The following DOCK1 variants were observed in gnomAD, a reference collection of about 807,000 sequenced individuals.
DOCK1 encodes the protein dedicator of cytokinesis protein 1.
Under a neutral mutation model 262.7 loss-of-function variants are expected in DOCK1, and 138 were observed. The ratio of observed to expected loss-of-function variants is 0.53; its 90% CI spans 0.46 to 0.61. DOCK1 has a LOEUF of 0.61. Among genes scored for constraint, DOCK1 ranks in the 20% least tolerant of loss-of-function variants. The pLI is 0.00. For missense variants in DOCK1, 1,908 were observed against 2,370.7 expected (o/e 0.80, Z 4.05); for synonymous variants, 866 against 867.4 (o/e 1.00, Z 0.03).
At chr10:127,004,070 T>TG (rs1261688422) in intron 10 of DOCK1, among the ~76,000 whole-genome samples, 1 of 151,806 alleles carries the variant, frequency 6.6e-6, no homozygotes, top group Non-Finnish European at 1.5e-5. Context: ...GTGGCCAGTG[T>TG]GGTGAAACCC....
At chr10:127,107,947 A>C (rs2048635339) in intron 24 of DOCK1, among the ~76,000 whole-genome samples, 1 of 152,174 alleles carries the variant, frequency 6.6e-6, no homozygotes, top group African/African-American at 2.4e-5. Flanking sequence ...CTGTACGCAC[A>C]AATTAGCCCC....
rs2048179727 is a variant in DOCK1, at chr10:127,100,529, T to C, written c.2446-5702T>C. On this transcript the variant is annotated intron_variant, in intron 23 of 51. Transcript: ENST00000623213. The surrounding 1 kb of genome is among the most constrained non-coding windows in gnomAD (Gnocchi z 5.5). ...CCCGGTGGGTGTGGGGTGTGGGTGT[T>C]GGGCTCAGGAGGAAGGGGAGCCCTG... Among the ~76,000 whole-genome samples, 5 of 152,032 alleles carry C rather than the reference T, an allele frequency of 3.3e-5. No homozygotes were observed. The South Asian group carries it at 1.0e-3, about 32-fold the overall frequency.
Position 126,941,710 on chromosome 10 carries a change from G to A in DOCK1, c.47-28992G>A, listed in dbSNP as rs986499770. Reference sequence around the variant, plus strand: ...GCGGAGCTTGCAGTGAGCCGAGATCGTGCCACTGCACTCCAGCCTGGGCGA... The same window carrying A: ...GCGGAGCTTGCAGTGAGCCGAGATCATGCCACTGCACTCCAGCCTGGGCGA... On this transcript the variant is annotated intron_variant, in intron 1 of 51. Coordinates refer to ENST00000623213, the MANE Select transcript of DOCK1 (RefSeq NM_001290223.2). Among the ~76,000 whole-genome samples, 67 of 152,080 alleles carry A rather than the reference G, an allele frequency of 4.4e-4. No individual in the cohort carries two copies. The East Asian group carries it at 9.2e-3, about 21-fold the overall frequency.
intron 27 of DOCK1, among the ~76,000 whole-genome samples, chr10:127,226,039 C>T (rs894927400): frequency 8.7e-5 from 13 of 149,062 alleles, no homozygotes; most frequent in East Asian, 2.0e-4. Flanking sequence ...GATCATGCCA[C>T]TGCACTCCAG....
chr10:127,228,071 A>G (rs2058706862), intron 27 of DOCK1, among the ~76,000 whole-genome samples: 1 of 152,182 alleles, frequency 6.6e-6, no homozygotes, highest in Admixed American at 6.5e-5. Flanking sequence ...CTGCCTTATA[A>G]TTGCTATTTG....
intron 29 of DOCK1, among the ~76,000 whole-genome samples, chr10:127,286,304 G>C (rs1381443839): frequency 6.6e-6 from 1 of 152,094 alleles, no homozygotes; most frequent in Non-Finnish European, 1.5e-5. Context: ...TTTAGAATTT[G>C]AGGCTAGCAG....
intron 27 of DOCK1, among the ~76,000 whole-genome samples, chr10:127,226,503 G>A (rs2058646524): frequency 6.6e-6 from 1 of 152,092 alleles, no homozygotes; most frequent in African/African-American, 2.4e-5. Context: ...CAGCACTTTG[G>A]GAGCCGAGGT....
At chr10:127,074,919 T>C (rs1320647451) in intron 23 of DOCK1, among the ~76,000 whole-genome samples, 1 of 152,096 alleles carries the variant, frequency 6.6e-6, no homozygotes, top group Non-Finnish European at 1.5e-5. Context: ...CCCAGCACTC[T>C]GGGATGCTGA....
In DOCK1 at chr10:127,374,217, G is replaced by C. The variant is rs1239674102; in HGVS notation, c.3675+3G>C. On this transcript the variant is annotated splice_donor_region_variant and intron_variant, in intron 35 of 51. Transcript: ENST00000623213. ...TGAGCTGCACCGTCAATGTGCTGGT[G>C]AGTGAAAGCTTAATCACGTTTTTTC... is the stretch of plus-strand genomic sequence containing the variant. 1.2e-6 allele frequency: 2 copies of C among 1,604,940 alleles called. No individual in the cohort carries two copies. Among genetic ancestry groups the C allele is most frequent in the Middle Eastern group, 1.7e-4 (1 of 6,032 alleles).
chr10:127,354,896 A>G (rs1372634661), intron 32 of DOCK1, among the ~76,000 whole-genome samples, 169 bp downstream of exon 32: 6 of 152,232 alleles, frequency 3.9e-5, no homozygotes, highest in African/African-American at 1.4e-4. Flanking sequence ...AAGAGATAGA[A>G]GACCAAAGGC....
chr10:127,347,460 G>C (rs1294892272), intron 31 of DOCK1, among the ~76,000 whole-genome samples: 2 of 152,242 alleles, frequency 1.3e-5, no homozygotes, highest in Non-Finnish European at 2.9e-5. Flanking sequence ...CGGCTGGGTG[G>C]TGAAGGCAGC....
At chr10:126,906,758 C>T (rs1425016249) in intron 1 of DOCK1, among the ~76,000 whole-genome samples, 1 of 152,186 alleles carries the variant, frequency 6.6e-6, no homozygotes, top group Non-Finnish European at 1.5e-5. Context: ...CCCTTGTCCC[C>T]GGAGCGCTCT....
chr10:127,216,309 TAAAA>T (rs57559331), intron 27 of DOCK1, among the ~76,000 whole-genome samples: 1 of 141,316 alleles, frequency 7.1e-6, no homozygotes, highest in Non-Finnish European at 1.5e-5. Flanking sequence ...GATAATTTAG[TAAAA>T]AAAAAAAAAA....
chr10:127,337,019 A>G (rs1481758152), intron 29 of DOCK1, among the ~76,000 whole-genome samples: 1 of 152,170 alleles, frequency 6.6e-6, no homozygotes, highest in Non-Finnish European at 1.5e-5. Flanking sequence ...AGGGCTGGAA[A>G]GAGTGTCTTC....
intron 27 of DOCK1, among the ~76,000 whole-genome samples, chr10:127,150,844 A>G (rs1232069189): frequency 3.9e-5 from 6 of 152,200 alleles, no homozygotes. Context: ...ACTTTGCTCC[A>G]CTTTAAAGAC....
At chr10:127,388,877 A>T (rs2386836) in intron 38 of DOCK1, among the ~76,000 whole-genome samples, 120,918 of 151,796 alleles carry the variant, frequency 0.8, 48,222 homozygotes, top group African/African-American at 0.84. Context: ...AGGTGAGTCT[A>T]ACAATCAAGG....
intron 19 of DOCK1, 75 bp downstream of exon 19, chr10:127,037,891 A>C: frequency 4.3e-6 from 5 of 1,168,644 alleles, no homozygotes. Context: ...AGAAGTAGGC[A>C]GTGACTTCAA....
At chr10:127,206,440 G>A (rs1217665742) in intron 27 of DOCK1, among the ~76,000 whole-genome samples, 8 of 152,038 alleles carry the variant, frequency 5.3e-5, no homozygotes, top group African/African-American at 1.9e-4. Context: ...CACCGCGCCC[G>A]GCCTACTGTA....
In DOCK1 at chr10:127,012,215, C is replaced by A; in HGVS notation, c.1059-17C>A. 1 of 1,415,810 alleles carries A rather than the reference C, an allele frequency of 7.1e-7. No homozygotes were observed. The highest frequency in any genetic ancestry group is 1.2e-5 in the South Asian group (1 of 86,688). The allele number at this position is 1,415,810 out of a possible 1,614,324, so 87.7% of individuals were successfully genotyped here. A position where few individuals can be genotyped will look rare whatever the true frequency, so the allele number is the denominator to read the frequency against. ...CCCCTTTGTCTCCTGTGGTCTTGGT[C>A]GTCCCGTGCCCTCCAGGCTCGCGTT... On this transcript the variant is annotated splice_polypyrimidine_tract_variant and intron_variant, in intron 11 of 51. Transcript: ENST00000623213. This position sits in a 1 kb window ranked among gnomAD's most constrained non-coding sequence, Gnocchi z 4.0.
Sources: allele counts gnomAD v4.1 joint callset (sites outside exome capture counted in the v4.1 genomes callset), GRCh38; gene constraint gnomAD v4.1.1; non-coding constraint Gnocchi (gnomAD v3.1); transcripts MANE v1.5; gene names NCBI Gene and HGNC (gene_info 2026-07-23, HGNC 2026-07-21).